UBR3: variants seen among roughly 807,000 people sequenced by gnomAD.
The protein encoded by UBR3 is ubiquitin protein ligase E3 component n-recognin 3.
A neutral mutation model predicts 243.2 loss-of-function variants in UBR3; 85 were observed. The ratio of observed to expected loss-of-function variants is 0.35; its 90% CI spans 0.29 to 0.42. The LOEUF (loss-of-function observed/expected upper bound fraction) is 0.42. Among genes scored for constraint, UBR3 ranks in the 10% least tolerant of loss-of-function variants. The pLI, the probability that UBR3 is intolerant of heterozygous loss-of-function variation, is 1.00. For synonymous variants in UBR3, 748 were observed against 799.8 expected (o/e 0.94, Z 1.09); for missense variants, 1,686 against 2,300.8 (o/e 0.73, Z 5.47).
rs1437513869 is a variant in UBR3 at position 169,872,111 on chromosome 2, G to A, written c.546-125G>A. 9 of 693,284 alleles carry A rather than the reference G, an allele frequency of 1.3e-5. No homozygotes were observed. In the East Asian group the frequency reaches 2.3e-4, roughly 17 times the overall value. The allele number at this position is 693,284 out of a possible 1,614,324, so 42.9% of individuals were successfully genotyped here. Reference sequence around the variant, plus strand: ...TTTAAAATTACATTCTTTTAACCTGGTACCTTAAAAATCATAAAGGAGGAT... The same window carrying A: ...TTTAAAATTACATTCTTTTAACCTGATACCTTAAAAATCATAAAGGAGGAT... On this transcript the variant is annotated intron_variant, in intron 1 of 38. Transcript: ENST00000272793.
chr2:170,014,354 CT>C (rs5836255), intron 29 of UBR3: 293 of 133,728 alleles, frequency 2.2e-3, no homozygotes, highest in Non-Finnish European at 2.7e-3. Context: ...GTTTTTTTTT[CT>C]TTTTTTTTTT....
At chr2:169,926,204 A>G (rs1488906029) in intron 14 of UBR3, among the ~76,000 whole-genome samples, 12 of 152,208 alleles carry the variant, frequency 7.9e-5, no homozygotes, top group South Asian at 6.2e-4. Context: ...GTTGTTTAGT[A>G]TGTTCAGGAA....
intron 26 of UBR3, among the ~76,000 whole-genome samples, chr2:169,999,859 C>T (rs1273779881): frequency 1.3e-5 from 2 of 152,270 alleles, no homozygotes; most frequent in East Asian, 1.9e-4. Context: ...CACGGTGGCT[C>T]ATGCCTGTAA....
intron 5 of UBR3, among the ~76,000 whole-genome samples, chr2:169,883,059 A>C (rs972218754): frequency 6.6e-6 from 1 of 152,200 alleles, no homozygotes; most frequent in Non-Finnish European, 1.5e-5. Context: ...AATTTGCCCA[A>C]AGCTTTATGT....
intron 1 of UBR3, among the ~76,000 whole-genome samples, chr2:169,870,716 C>T (rs1007785535): frequency 1.3e-5 from 2 of 151,588 alleles, no homozygotes; most frequent in African/African-American, 2.4e-5. Context: ...TGCAGTGGCA[C>T]GGTCTTGGCT....
intron 26 of UBR3, among the ~76,000 whole-genome samples, chr2:169,995,083 TTAA>T (rs2089431035): frequency 6.6e-6 from 1 of 152,092 alleles, no homozygotes. Flanking sequence ...TGAAAACATA[TTAA>T]TTTTTTTAAT....
chr2:169,829,991 T>C (rs191525725), intron 1 of UBR3, among the ~76,000 whole-genome samples: 21 of 152,338 alleles, frequency 1.4e-4, no homozygotes, highest in African/African-American at 4.8e-4. Context: ...TCCACTGTTC[T>C]ACATCTTGCA....
intron 36 of UBR3, among the ~76,000 whole-genome samples, chr2:170,076,005 C>A (rs1182478696): frequency 6.6e-6 from 1 of 151,806 alleles, no homozygotes; most frequent in Admixed American, 6.6e-5. Context: ...AGAAGAGAAA[C>A]CACAAATATC....
At chr2:170,031,390 ATCTTT>A (rs1195940241) in intron 31 of UBR3, among the ~76,000 whole-genome samples, 1 of 152,000 alleles carries the variant, frequency 6.6e-6, no homozygotes, top group Non-Finnish European at 1.5e-5. Flanking sequence ...AGTCATATTA[ATCTTT>A]TCATTTATTC....
intron 10 of UBR3, among the ~76,000 whole-genome samples, chr2:169,907,036 CTTTTTTTTTT>C (rs36078695): frequency 1.8e-5 from 2 of 112,360 alleles, no homozygotes; most frequent in East Asian, 2.6e-4. Context: ...AAATTTCTTT[CTTTTTTTTTT>C]TTTTTTTTTT....
chr2:170,007,404 T>C (rs1175956147), intron 28 of UBR3, among the ~76,000 whole-genome samples: 1 of 152,212 alleles, frequency 6.6e-6, no homozygotes, highest in Non-Finnish European at 1.5e-5. Context: ...TTCTGAGTTT[T>C]AATATACGTC....
At chr2:169,863,652 G>C (rs1484170831) in intron 1 of UBR3, among the ~76,000 whole-genome samples, 1 of 152,188 alleles carries the variant, frequency 6.6e-6, no homozygotes, top group African/African-American at 2.4e-5. Flanking sequence ...CACTTGGGGA[G>C]AGATTGTTAA....
intron 24 of UBR3, among the ~76,000 whole-genome samples, chr2:169,967,272 C>G (rs1220181648): frequency 6.9e-6 from 1 of 145,052 alleles, no homozygotes; most frequent in South Asian, 2.3e-4. Context: ...CCCGCCCCCC[C>G]CCACACACAG....
chr2:169,895,741 T>G (rs1175668444), intron 7 of UBR3, among the ~76,000 whole-genome samples: 2 of 152,206 alleles, frequency 1.3e-5, no homozygotes, highest in African/African-American at 4.8e-5. Flanking sequence ...TGGTCACAAC[T>G]GCTAAAGAGA....
intron 24 of UBR3, among the ~76,000 whole-genome samples, chr2:169,978,360 T>C (rs1286777179): frequency 6.6e-6 from 1 of 152,020 alleles, no homozygotes; most frequent in African/African-American, 2.4e-5. Flanking sequence ...TTTTGCTCTC[T>C]GTTGTAGGGG....
intron 29 of UBR3, among the ~76,000 whole-genome samples, chr2:170,010,552 G>A (rs1295732559): frequency 2.6e-5 from 4 of 152,106 alleles, no homozygotes; most frequent in Admixed American, 6.6e-5. Context: ...GTTTAAGTTT[G>A]TAAGTAACTT....
At chr2:169,833,009 G>T (rs981621322) in intron 1 of UBR3, among the ~76,000 whole-genome samples, 1 of 151,904 alleles carries the variant, frequency 6.6e-6, no homozygotes, top group East Asian at 1.9e-4. Context: ...AAATACACTC[G>T]TTCCTCAGTA....
intron 3 of UBR3, among the ~76,000 whole-genome samples, chr2:169,876,570 T>TGTATTGTATTGTATTGTA (rs1553500937): frequency 4.6e-5 from 7 of 151,504 alleles, no homozygotes; most frequent in African/African-American, 1.7e-4. Context: ...TGTATTGTAT[T>TGTATTGTATTGTATTGTA]TTTTTGAGAC....
intron 11 of UBR3, among the ~76,000 whole-genome samples, chr2:169,920,681 C>T (rs1389732183): frequency 6.6e-6 from 1 of 152,122 alleles, no homozygotes; most frequent in Non-Finnish European, 1.5e-5. Flanking sequence ...GTTACCATTT[C>T]AGGCATACTC....
Sources: gnomAD v4.1 joint callset for allele counts (sites outside exome capture counted in the v4.1 genomes callset) on GRCh38, gnomAD v4.1.1 for gene constraint, MANE v1.5 for transcripts, NCBI Gene and HGNC (gene_info 2026-07-23, HGNC 2026-07-21) for gene names.